The following DISC1 variants were observed in gnomAD, a reference collection of about 807,000 sequenced individuals.
DISC1 encodes disrupted in schizophrenia 1 protein.
Under a neutral mutation model 84.5 loss-of-function variants are expected in DISC1, and 57 were observed. The observed-to-expected ratio is 0.67, with a 90% CI of 0.55 to 0.84. DISC1 has a LOEUF of 0.84. DISC1 is among the 40% of genes least tolerant of loss of function. The pLI is 0.00. For synonymous variants in DISC1, 411 were observed against 415.2 expected (o/e 0.99, Z 0.12); for missense variants, 1,000 against 1,057.8 (o/e 0.95, Z 0.76).
intron 1 of DISC1, among the ~76,000 whole-genome samples, chr1:231,672,752 A>G (rs1224664244): frequency 6.6e-6 from 1 of 152,164 alleles, no homozygotes; most frequent in Non-Finnish European, 1.5e-5. Context: ...TCTCAGAAGT[A>G]CTTGTAGATA....
intron 9 of DISC1, among the ~76,000 whole-genome samples, chr1:231,923,352 C>T (rs959056321): frequency 1.3e-5 from 2 of 151,980 alleles, no homozygotes; most frequent in Non-Finnish European, 2.9e-5. Context: ...TCGCTGAGCC[C>T]TCCTGGCAGG....
At chr1:231,653,653 T>C (rs2060821126) in intron 1 of DISC1, among the ~76,000 whole-genome samples, 1 of 152,088 alleles carries the variant, frequency 6.6e-6, no homozygotes, top group Admixed American at 6.5e-5. Context: ...GTTTACCAAA[T>C]TCCTGTTTTG....
chr1:231,982,322 T>A (rs919391353), intron 10 of DISC1, among the ~76,000 whole-genome samples: 25 of 152,204 alleles, frequency 1.6e-4, no homozygotes, highest in Middle Eastern at 3.4e-3. Flanking sequence ...AATTCCTCCC[T>A]CCCTCCCTCT....
At chr1:231,959,435 G>A (rs200130931) in intron 10 of DISC1, 409 of 985,632 alleles carry the variant, frequency 4.1e-4, no homozygotes, top group Non-Finnish European at 4.7e-4. Flanking sequence ...GTGTGCTTAG[G>A]AAAATAAATC....
chr1:231,851,872 CT>C (rs1334720021), intron 9 of DISC1, among the ~76,000 whole-genome samples: 5 of 152,080 alleles, frequency 3.3e-5, no homozygotes, highest in Non-Finnish European at 5.9e-5. Flanking sequence ...GGGACCTTGT[CT>C]TTGGAAAGGA....
chr1:231,798,069 G>T (rs1405584730), intron 7 of DISC1, among the ~76,000 whole-genome samples: 2 of 149,192 alleles, frequency 1.3e-5, no homozygotes, highest in South Asian at 2.1e-4. Flanking sequence ...TGAGACCAAG[G>T]TCTCAGCTTG....
chr1:231,966,627 G>A (rs1369464286), intron 10 of DISC1, among the ~76,000 whole-genome samples: 1 of 152,210 alleles, frequency 6.6e-6, no homozygotes, highest in East Asian at 1.9e-4. Flanking sequence ...TCTCTTGTAT[G>A]CATGACTAAT....
At chr1:231,691,662 A>G (rs2065030618) in intron 1 of DISC1, among the ~76,000 whole-genome samples, 1 of 152,226 alleles carries the variant, frequency 6.6e-6, no homozygotes, top group African/African-American at 2.4e-5. Flanking sequence ...AAGATACGAA[A>G]TTGTTGAATT....
intron 9 of DISC1, among the ~76,000 whole-genome samples, chr1:231,903,643 T>C (rs776273346): frequency 8.6e-5 from 13 of 151,824 alleles, no homozygotes; most frequent in Non-Finnish European, 1.5e-4. Context: ...ACAGTGTGGA[T>C]TTATGGGGAG....
intron 2 of DISC1, among the ~76,000 whole-genome samples, chr1:231,696,852 G>A (rs1285659410): frequency 6.6e-6 from 1 of 152,198 alleles, no homozygotes; most frequent in Non-Finnish European, 1.5e-5. Context: ...CACACTCTAC[G>A]ATGTTCACAC....
intron 9 of DISC1, among the ~76,000 whole-genome samples, chr1:231,822,892 C>A (rs950852365): frequency 1.3e-5 from 2 of 152,136 alleles, no homozygotes; most frequent in Non-Finnish European, 2.9e-5. Flanking sequence ...TTTTTAACAA[C>A]CAGCTCTCCC....
At chr1:231,872,002 C>A (rs143668126) in intron 9 of DISC1, among the ~76,000 whole-genome samples, 159 of 152,326 alleles carry the variant, frequency 1.0e-3, no homozygotes, top group African/African-American at 3.7e-3. Flanking sequence ...CTTCCTCTGG[C>A]TTTCTCTTGG....
At chr1:231,646,175 C>G (rs1228385249) in intron 1 of DISC1, among the ~76,000 whole-genome samples, 1 of 151,718 alleles carries the variant, frequency 6.6e-6, no homozygotes, top group South Asian at 2.1e-4. Flanking sequence ...CACAACAGTC[C>G]CTGGTGTGTG....
chr1:231,913,771 C>T (rs1428225377), intron 9 of DISC1, among the ~76,000 whole-genome samples: 5 of 152,156 alleles, frequency 3.3e-5, no homozygotes, highest in Admixed American at 1.3e-4. Flanking sequence ...GTAGTATTTC[C>T]GGGTTGCAGT....
At chr1:231,753,169 G>A (rs1187123929) in intron 4 of DISC1, among the ~76,000 whole-genome samples, 1 of 152,258 alleles carries the variant, frequency 6.6e-6, no homozygotes, top group African/African-American at 2.4e-5. Context: ...TGGGGACTCT[G>A]TGTGGGGTTC....
At chr1:231,857,928 A>G (rs1375250418) in intron 9 of DISC1, among the ~76,000 whole-genome samples, 1 of 152,198 alleles carries the variant, frequency 6.6e-6, no homozygotes, top group African/African-American at 2.4e-5. Context: ...CTTGAAGTCA[A>G]ATTTCCCTGA....
intron 9 of DISC1, among the ~76,000 whole-genome samples, chr1:231,950,060 T>C (rs1318490483): frequency 1.3e-5 from 2 of 152,238 alleles, no homozygotes; most frequent in Non-Finnish European, 2.9e-5. Context: ...CAGTGTGAGC[T>C]CACTTTTCCT....
chr1:231,631,888 C>T (rs901426096), intron 1 of DISC1, among the ~76,000 whole-genome samples: 13 of 152,128 alleles, frequency 8.5e-5, no homozygotes, highest in African/African-American at 2.9e-4. Context: ...ATTATGTCCT[C>T]AACCCTCACG....
At chr1:231,854,749 A>T (rs1229871639) in intron 9 of DISC1, 1 of 151,394 alleles carries the variant, frequency 6.6e-6, no homozygotes, top group African/African-American at 2.6e-5. Context: ...ATGGAGTCTC[A>T]CTCTGTCGCC....
Sources: gnomAD v4.1 joint callset for allele counts (sites outside exome capture counted in the v4.1 genomes callset) on GRCh38, gnomAD v4.1.1 for gene constraint, MANE v1.5 for transcripts, NCBI Gene and HGNC (gene_info 2026-07-23, HGNC 2026-07-21) for gene names.